Variants in KLF16 observed in about 807,000 individuals in gnomAD.
KLF16 encodes the protein Krueppel-like factor 16.
A neutral mutation model predicts 6.1 loss-of-function variants in KLF16; 6 were observed. That is an observed-to-expected ratio of 0.98 (90% confidence interval 0.54 to 1.93). The LOEUF (loss-of-function observed/expected upper bound fraction) is 1.93. Among genes scored for constraint, KLF16 ranks in the 30% most tolerant of loss-of-function variants. KLF16 has a pLI of 0.01. For missense variants in KLF16, 355 were observed against 363.8 expected (o/e 0.98, Z 0.20); for synonymous variants, 211 against 176.5 (o/e 1.20, Z -1.55).
chr19:1,861,303 T>C (rs1281833863), intron 1 of KLF16, among the ~76,000 whole-genome samples: 1 of 152,150 alleles, frequency 6.6e-6, no homozygotes, highest in East Asian at 1.9e-4. Flanking sequence ...AAGAAAAGAA[T>C]GACCTGGGTA....
At chr19:1,871,151 T>C in the KLF16 span, among the ~76,000 whole-genome samples, 1 of 152,354 alleles carries the variant, frequency 6.6e-6, no homozygotes, top group East Asian at 1.9e-4. Context: ...CCGTCAGTCC[T>C]GCTGCAGAGC....
At chr19:1,868,292 G>T (rs1302485167), upstream of KLF16, among the ~76,000 whole-genome samples, 6 of 152,020 alleles carry the variant, frequency 3.9e-5, no homozygotes, top group South Asian at 1.0e-3. Context: ...GGGACATCCA[G>T]TGACCCCACC....
chr19:1,871,007 AAAAG>A, the KLF16 span, among the ~76,000 whole-genome samples: 2 of 152,216 alleles, frequency 1.3e-5, no homozygotes, highest in East Asian at 1.9e-4. Context: ...AAAAAAAGAA[AAAAG>A]AAAGATCCGT....
At chr19:1,872,702 T>C in the KLF16 span, among the ~76,000 whole-genome samples, 1 of 151,836 alleles carries the variant, frequency 6.6e-6, no homozygotes, top group East Asian at 2.0e-4. Context: ...ACCTGTGCTG[T>C]CGTGGCTGGG....
chr19:1,873,809 G>T, the KLF16 span, among the ~76,000 whole-genome samples: 1 of 152,364 alleles, frequency 6.6e-6, no homozygotes, highest in African/African-American at 2.4e-5. Context: ...GCCGAGGGTG[G>T]AAGTTGGCCT....
chr19:1,856,429 C>T (rs537664551), intron 1 of KLF16, among the ~76,000 whole-genome samples: 12 of 152,328 alleles, frequency 7.9e-5, no homozygotes, highest in African/African-American at 2.9e-4. Flanking sequence ...CAGACAGAGA[C>T]CAGCAGCCCC....
chr19:1,870,605 G>A, the KLF16 span, among the ~76,000 whole-genome samples: 1 of 151,992 alleles, frequency 6.6e-6, no homozygotes, highest in Admixed American at 6.6e-5. Flanking sequence ...GGACTGGGAG[G>A]TTGGGGCTGC....
chr19:1,862,927 G>T (rs890193121), intron 1 of KLF16, 114 bp downstream of exon 1: 2 of 458,486 alleles, frequency 4.4e-6, no homozygotes, highest in Non-Finnish European at 5.8e-6. Context: ...CGCGGCGGCG[G>T]CCCGGGCGCG....
the KLF16 span, among the ~76,000 whole-genome samples, chr19:1,871,506 C>T: frequency 6.6e-6 from 1 of 152,210 alleles, no homozygotes; most frequent in South Asian, 2.1e-4. Flanking sequence ...TCCTGCAGGA[C>T]ACTGTGGTCT....
At chr19:1,854,842 T>C in intron 1 of KLF16, 82 bp from the exon 2 acceptor site, 1 of 1,472,324 alleles carries the variant, frequency 6.8e-7, no homozygotes, top group Non-Finnish European at 9.2e-7. Flanking sequence ...TCCCAAAGGG[T>C]GGCGGGCATT....
rs903393303 is a variant in KLF16, at chr19:1,854,647, G to A, written c.571C>T (p.Leu191=). Residue 191 remains leucine (L), a synonymous_variant, in exon 2 of 2, where the codon CTG becomes TTG. Coordinates refer to ENST00000250916, the MANE Select transcript of KLF16 (RefSeq NM_031918.4). ...HTGEKRFSCP[L]CSKRFTRSDH... ...CTGCGGGTGAAGCGCTTGGAGCACA[G>A]AGGGCAGGAGAAGCGCTTCTCGCCC... 3 of 1,599,768 alleles carry A rather than the reference G, an allele frequency of 1.9e-6. No individual in the cohort carries two copies. The Admixed American group carries it at 5.0e-5, about 27-fold the overall frequency.
upstream of KLF16, among the ~76,000 whole-genome samples, chr19:1,865,741 G>A (rs2012177901): frequency 6.6e-6 from 1 of 152,168 alleles, no homozygotes; most frequent in African/African-American, 2.4e-5. Flanking sequence ...CCCCACCCAT[G>A]AGGCTTCTAT....
chr19:1,867,443 T>C (rs1485430628), upstream of KLF16, among the ~76,000 whole-genome samples: 1 of 152,220 alleles, frequency 6.6e-6, no homozygotes, highest in Non-Finnish European at 1.5e-5. Flanking sequence ...GGCATGGTAG[T>C]GCACGCCTGT....
At chr19:1,872,106 G>C in the KLF16 span, among the ~76,000 whole-genome samples, 1 of 152,084 alleles carries the variant, frequency 6.6e-6, no homozygotes, top group African/African-American at 2.4e-5. Flanking sequence ...TTTCCCCCTT[G>C]AACAGGGTCA....
At chr19:1,876,157 C>A in the KLF16 span, 1 of 153,106 alleles carries the variant, frequency 6.5e-6, no homozygotes, top group South Asian at 2.0e-4. Flanking sequence ...CCACCGCCGC[C>A]GCCGTCTCCA....
At chr19:1,862,323 T>C (rs1025252756) in intron 1 of KLF16, among the ~76,000 whole-genome samples, 2 of 152,160 alleles carry the variant, frequency 1.3e-5, no homozygotes, top group Non-Finnish European at 1.5e-5. Flanking sequence ...GCGCTCCAAC[T>C]ACGCGCACCT....
intron 1 of KLF16, among the ~76,000 whole-genome samples, chr19:1,862,566 G>A (rs967351494): frequency 1.3e-5 from 2 of 152,088 alleles, no homozygotes; most frequent in African/African-American, 4.8e-5. Flanking sequence ...GACCTCTGGG[G>A]AGAATCCGCG....
At chr19:1,860,688 C>T (rs1261560006) in intron 1 of KLF16, among the ~76,000 whole-genome samples, 1 of 152,216 alleles carries the variant, frequency 6.6e-6, no homozygotes, top group Non-Finnish European at 1.5e-5. Context: ...AACGCATGGC[C>T]TTCCTGTCCC....
In KLF16 at chr19:1,863,141, C is replaced by A. The variant is rs1157136740; in HGVS notation, c.357G>T (p.Ala119=). ...GGTGGCTCTTGGCGGCGGCGGAGGG[C>A]GCGGCGCCGGGGGCGCGGCCCGAGG... ...SPSSGRAPGA[A]PSAAAKSHRC... is the part of the protein sequence containing the mutation. Residue 119 remains alanine, a synonymous_variant, in exon 1 of 2, where the codon GCG becomes GCT. Transcript: ENST00000250916. The A allele has an allele frequency of 3.0e-6, 4 of 1,325,262 alleles. No homozygotes were observed. Among genetic ancestry groups the A allele is most frequent in the African/African-American group, 1.6e-5 (1 of 64,092 alleles). 82.1% of individuals were successfully genotyped at this position (1,325,262 alleles called of 1,614,324 possible).
Sources: allele counts gnomAD v4.1 joint callset (sites outside exome capture counted in the v4.1 genomes callset), GRCh38; gene constraint gnomAD v4.1.1; transcripts MANE v1.5; gene names NCBI Gene and HGNC (gene_info 2026-07-23, HGNC 2026-07-21).